Variants in MAST4 observed in about 807,000 individuals in gnomAD.
MAST4 encodes microtubule-associated serine/threonine-protein kinase 4.
A neutral mutation model predicts 162.7 loss-of-function variants in MAST4; 89 were observed. That is an observed-to-expected ratio of 0.55 (90% confidence interval 0.46 to 0.65). The LOEUF (loss-of-function observed/expected upper bound fraction) is 0.65. MAST4 is among the 30% of genes least tolerant of loss of function. The pLI is 0.00. For synonymous variants in MAST4, 1,479 were observed against 1,361.1 expected, an observed-to-expected ratio of 1.09 and a Z score of -1.91; for missense variants, 3,153 against 3,374.0, an observed-to-expected ratio of 0.93 and a Z score of 1.62.
At chr5:67,034,070 A>G (rs1228707381) in intron 4 of MAST4, among the ~76,000 whole-genome samples, 2 of 152,144 alleles carry the variant, frequency 1.3e-5, no homozygotes, top group African/African-American at 2.4e-5. Context: ...TTAAGTACAA[A>G]ATGTCTTATC....
intron 4 of MAST4, among the ~76,000 whole-genome samples, chr5:66,946,600 A>C (rs2150118244): frequency 6.6e-6 from 1 of 152,278 alleles, no homozygotes; most frequent in East Asian, 1.9e-4. Context: ...TTGCTATAGA[A>C]GTGCCTGAAA....
At chr5:66,933,389 GA>G (rs1373304836) in intron 4 of MAST4, among the ~76,000 whole-genome samples, 1 of 151,908 alleles carries the variant, frequency 6.6e-6, no homozygotes, top group Non-Finnish European at 1.5e-5. Context: ...ATTGCTGCAG[GA>G]AAAAAATTAT....
chr5:66,639,806 T>G (rs753473945), intron 1 of MAST4, among the ~76,000 whole-genome samples: 1 of 152,144 alleles, frequency 6.6e-6, no homozygotes, highest in Non-Finnish European at 1.5e-5. Context: ...CAGTATGAAT[T>G]CATGATTTAT....
At position 66,807,676 on chromosome 5, in the gene MAST4, T is replaced by C. The variant is rs529631265; in HGVS notation, c.642+18882T>C. Among the ~76,000 whole-genome samples, 4 of 152,274 alleles carry C rather than the reference T, an allele frequency of 2.6e-5. No individual in the cohort carries two copies. In the East Asian group the frequency reaches 7.7e-4, roughly 29 times the overall value. ...TTCTCTGTGCCCCACTTTCCCTGCA[T>C]AGAGGAATTTGCATTCTCATACTCA... On this transcript the variant is annotated intron_variant, in intron 3 of 28. Transcript: ENST00000403625.
intron 4 of MAST4, among the ~76,000 whole-genome samples, chr5:66,922,928 T>A (rs1362331193): frequency 2.6e-5 from 4 of 152,196 alleles, no homozygotes; most frequent in African/African-American, 9.6e-5. Flanking sequence ...AGGTCTCCAC[T>A]GTATCTGTTA....
Position 67,145,374 on chromosome 5 carries a change from T to A in MAST4, c.3089T>A (p.Leu1030Gln). ...GCCAGCACCATCAGCAGCTCCACCCTGTCAGGTAAGCCCCGGGCCATAGTG... is the reference window on the plus strand; with the variant it reads ...GCCAGCACCATCAGCAGCTCCACCCAGTCAGGTAAGCCCCGGGCCATAGTG... ...TPASTISSST[L>Q]SVGSFSEHLD... is the part of the protein sequence containing the mutation. Residue 1030 changes from leucine to glutamine, a missense_variant, in exon 23 of 29, where the codon CTG becomes CAG. Around this residue, in one of 7 missense-constraint regions of MAST4, gnomAD observed 619 missense variants for 744.2 expected, o/e 0.83. Coordinates refer to ENST00000403625, the MANE Select transcript of MAST4 (RefSeq NM_001164664.2). 1 of 1,612,464 alleles carries A rather than the reference T, an allele frequency of 6.2e-7. No homozygotes were observed. Among genetic ancestry groups the A allele is most frequent in the Non-Finnish European group, 8.5e-7 (1 of 1,179,700 alleles).
intron 3 of MAST4, among the ~76,000 whole-genome samples, chr5:66,876,576 A>T (rs1320853748): frequency 2.0e-5 from 3 of 152,166 alleles, no homozygotes; most frequent in Non-Finnish European, 4.4e-5. Flanking sequence ...GGGGGAAGTC[A>T]CACCATGTAC....
At chr5:67,137,670 T>TG (rs1406725205) in intron 19 of MAST4, among the ~76,000 whole-genome samples, 1 of 152,228 alleles carries the variant, frequency 6.6e-6, no homozygotes, top group Admixed American at 6.5e-5. Context: ...AGACGAATGC[T>TG]GTGCTACTAG....
intron 1 of MAST4, among the ~76,000 whole-genome samples, chr5:66,735,306 A>G (rs888586895): frequency 2.0e-5 from 3 of 152,206 alleles, no homozygotes; most frequent in Non-Finnish European, 4.4e-5. Flanking sequence ...AAAAATGTAG[A>G]TCTCACAAAT....
At chr5:66,797,157 G>T (rs533144099) in intron 3 of MAST4, among the ~76,000 whole-genome samples, 1 of 152,174 alleles carries the variant, frequency 6.6e-6, no homozygotes, top group Non-Finnish European at 1.5e-5. Context: ...TTCCTCCTTT[G>T]TTAAAATACC....
intron 4 of MAST4, among the ~76,000 whole-genome samples, chr5:66,900,859 T>C (rs991093986): frequency 3.3e-5 from 5 of 152,152 alleles, no homozygotes; most frequent in Non-Finnish European, 7.4e-5. Context: ...GAACCAAAAA[T>C]TCATCAGCTG....
At chr5:66,604,671 T>C (rs1742764668) in intron 1 of MAST4, among the ~76,000 whole-genome samples, 1 of 152,230 alleles carries the variant, frequency 6.6e-6, no homozygotes, top group Non-Finnish European at 1.5e-5. Context: ...GCTCCTTTTT[T>C]TGATAAGCTG....
At chr5:67,038,241 CTTT>C (rs55716804) in intron 4 of MAST4, among the ~76,000 whole-genome samples, 94 of 144,118 alleles carry the variant, frequency 6.5e-4, no homozygotes, top group African/African-American at 1.9e-3. Context: ...TTTAGTTTCT[CTTT>C]TTTTTTTTTT....
At chr5:66,853,250 A>G (rs980148540) in intron 3 of MAST4, among the ~76,000 whole-genome samples, 1 of 152,198 alleles carries the variant, frequency 6.6e-6, no homozygotes, top group Non-Finnish European at 1.5e-5. Flanking sequence ...ACCCGGAGTA[A>G]GTGTAACTGG....
At chr5:66,796,579 A>T (rs1480217383) in intron 3 of MAST4, among the ~76,000 whole-genome samples, 1 of 152,164 alleles carries the variant, frequency 6.6e-6, no homozygotes, top group Non-Finnish European at 1.5e-5. Context: ...AGTGAGGCGA[A>T]TGGTGTCCAT....
intron 1 of MAST4, among the ~76,000 whole-genome samples, chr5:66,676,032 G>T (rs1747923228): frequency 6.6e-6 from 1 of 152,234 alleles, no homozygotes; most frequent in Admixed American, 6.5e-5. Flanking sequence ...GTGTGGCTTA[G>T]TTGACGCATG....
chr5:67,149,497 G>A lies in MAST4; in HGVS notation c.3203G>A (p.Arg1068Gln), dbSNP rs764447226. 5.1e-5 allele frequency: 82 copies of A among 1,613,580 alleles called. No individual in the cohort carries two copies. Among genetic ancestry groups the A allele is most frequent in the African/African-American group, 8.0e-5 (6 of 74,862 alleles). ...PSSEPASHMA[R>Q]QRLESTEKKK... The stretch of plus-strand genomic sequence containing the variant: ...AGTGAACCCGCTTCTCACATGGCTC[G>A]GCAGCGATTAGAAAGCACAGAAAAA... The change falls in exon 24 of 29, where the codon CGG becomes CAG. Residue 1068 changes from arginine (R) to glutamine (Q), a missense_variant. Arg to Gln is a conservative substitution (Grantham distance 43, BLOSUM62 1). Around this residue, in one of 7 missense-constraint regions of MAST4, gnomAD observed 619 missense variants for 744.2 expected, o/e 0.83. Transcript: ENST00000403625.
At chr5:67,054,867 C>G (rs2150561471) in intron 5 of MAST4, among the ~76,000 whole-genome samples, 1 of 152,266 alleles carries the variant, frequency 6.6e-6, no homozygotes, top group East Asian at 1.9e-4. Context: ...TAAAATTGAA[C>G]TTGTCTAATA....
intron 3 of MAST4, among the ~76,000 whole-genome samples, chr5:66,827,679 AT>A (rs1230643500): frequency 2.6e-5 from 4 of 152,338 alleles, no homozygotes; most frequent in Admixed American, 6.5e-5. Context: ...GGAGTTAGTG[AT>A]TTAAAAAAAT....
Sources: allele counts gnomAD v4.1 joint callset (sites outside exome capture counted in the v4.1 genomes callset), GRCh38; gene constraint gnomAD v4.1.1; regional missense constraint gnomAD v4.1.1; transcripts MANE v1.5; gene names NCBI Gene and HGNC (gene_info 2026-07-23, HGNC 2026-07-21).